Variants in BAZ2B observed in about 807,000 individuals in gnomAD.
BAZ2B encodes bromodomain adjacent to zinc finger domain protein 2B.
BAZ2B carries 91 observed loss-of-function variants against 246.0 expected under a neutral mutation model. That is an observed-to-expected ratio of 0.37 (90% CI 0.31 to 0.44). The LOEUF is 0.44. Among genes scored for constraint, BAZ2B ranks in the 20% least tolerant of loss-of-function variants. BAZ2B has a pLI of 1.00. For missense variants in BAZ2B, 2,332 were observed against 2,533.7 expected, an observed-to-expected ratio of 0.92 and a Z score of 1.71; for synonymous variants, 855 against 860.0, an observed-to-expected ratio of 0.99 and a Z score of 0.10.
chr2:159,605,103 T>C (rs1007828301), intron 1 of BAZ2B, among the ~76,000 whole-genome samples: 13 of 152,088 alleles, frequency 8.5e-5, no homozygotes, highest in African/African-American at 2.4e-4. Flanking sequence ...TAATAGCTCA[T>C]TGCAGCCTTG....
chr2:159,519,908 T>C (rs2083945841), intron 2 of BAZ2B, among the ~76,000 whole-genome samples: 1 of 151,514 alleles, frequency 6.6e-6, no homozygotes, highest in African/African-American at 2.4e-5. Flanking sequence ...GGGAGTCCAA[T>C]CTATGATGAT....
In BAZ2B at chr2:159,386,568, A is replaced by G. The variant is rs1156292752; in HGVS notation, c.3256T>C (p.Ser1086Pro). ...ELPRIPGLVL[S>P]GSTFSDCLMV... Reference sequence around the variant, plus strand: ...AGACAGTCTGAAAATGTACTTCCAGAGAGAACAAGTCCTGGAATACGAGGC... The same window carrying G: ...AGACAGTCTGAAAATGTACTTCCAGGGAGAACAAGTCCTGGAATACGAGGC... The change falls in exon 22 of 37, where the codon TCT becomes CCT. Residue 1086 changes from serine to proline, a missense_variant. Coordinates refer to ENST00000392783, the MANE Select transcript of BAZ2B (RefSeq NM_013450.4). The G allele has an allele frequency of 6.2e-7, 1 of 1,613,306 alleles. No homozygotes were observed. The highest frequency in any genetic ancestry group is 8.5e-7 in the Non-Finnish European group (1 of 1,179,586).
rs1158674535 is a variant in BAZ2B at position 159,386,379 on chromosome 2, C to T, written c.3445G>A (p.Asp1149Asn). Reference sequence around the variant, plus strand: ...TTGTATCCTGTTATTAGACCTGGATCACATACAGCAGCTGAGAGGAGCCTC... The same window carrying T: ...TTGTATCCTGTTATTAGACCTGGATTACATACAGCAGCTGAGAGGAGCCTC... ...LVRLLSAAVC[D>N]PGLITGYKAK... Residue 1149 changes from aspartate (D) to asparagine (N), a missense_variant, in exon 22 of 37, where the codon GAT (aspartate) becomes AAT (asparagine). By Grantham distance (23) the Asp-to-Asn change is conservative (BLOSUM62 1). This residue lies in a region of BAZ2B where 328 missense variants were observed against 410.4 expected (regional missense o/e 0.80). Transcript: ENST00000392783. 6.2e-7 allele frequency: 1 copy of T among 1,612,668 alleles called. No homozygotes were observed. Among genetic ancestry groups the T allele is most frequent in the East Asian group, 2.2e-5 (1 of 44,812 alleles).
Position 159,349,152 on chromosome 2 carries a change from A to G in BAZ2B, c.4992T>C (p.Asn1664=). ...LGSGLGLSEG[N]GNSFLTSNVA... ...CATTGGAAGTCAAGAATGAATTACC[A>G]TTTCCTTCTGATAACCCTAACCCCG... is the stretch of plus-strand genomic sequence containing the variant. The change falls in exon 29 of 37, where the codon AAT becomes AAC. Residue 1664 remains asparagine, a synonymous_variant. Coordinates refer to ENST00000392783, the MANE Select transcript of BAZ2B (RefSeq NM_013450.4). 6.2e-7 allele frequency: 1 copy of G among 1,614,096 alleles called. No homozygotes were observed. Among genetic ancestry groups the G allele is most frequent in the Non-Finnish European group, 8.5e-7 (1 of 1,179,992 alleles).
the BAZ2B span, among the ~76,000 whole-genome samples, chr2:159,696,135 T>C: frequency 1.4e-4 from 21 of 152,312 alleles, no homozygotes; most frequent in Non-Finnish European, 1.8e-4. Flanking sequence ...CATTGCCTAT[T>C]TTTTATTTTA....
intron 27 of BAZ2B, among the ~76,000 whole-genome samples, chr2:159,352,299 C>A (rs546000547): frequency 6.6e-6 from 1 of 152,090 alleles, no homozygotes; most frequent in Non-Finnish European, 1.5e-5. Context: ...TATTTCCTTA[C>A]GGAGATTTTC....
In BAZ2B at chr2:159,333,401, A is replaced by G. The variant is rs1325558062; in HGVS notation, c.5797-715T>C. On this transcript the variant is annotated intron_variant, in intron 33 of 36. Transcript: ENST00000392783. ...ATAAAACTAGTTGTTTTCTACTGAA[A>G]ATTTTCTAATATAATTAAAGACTTT... 4.6e-5 allele frequency among the ~76,000 whole-genome samples: 7 copies of G among 152,132 alleles called. No homozygotes were observed. The East Asian group carries it at 1.3e-3, about 29-fold the overall frequency.
chr2:159,495,463 C>T (rs1362535466), intron 2 of BAZ2B, among the ~76,000 whole-genome samples: 7 of 107,878 alleles, frequency 6.5e-5, no homozygotes, highest in South Asian at 3.4e-4. Flanking sequence ...CCAGCCTGGG[C>T]GACAGAGCGA....
intron 27 of BAZ2B, among the ~76,000 whole-genome samples, chr2:159,364,565 C>A (rs540165264): frequency 2.0e-5 from 3 of 152,182 alleles, no homozygotes; most frequent in Admixed American, 6.5e-5. Flanking sequence ...AGATGGGGTT[C>A]CACCATGTTA....
At position 159,576,938 on chromosome 2, in the gene BAZ2B, A is replaced by C. The variant is rs1468879433; in HGVS notation, c.-45-21073T>G. ...AAAAAAAAAAAAAAAAAAAAAAGGA[A>C]AGTGTGGCCAGGCACGGTGGCTCAC... On this transcript the variant is annotated intron_variant, in intron 1 of 36. Transcript: ENST00000392783. 2.2e-5 allele frequency among the ~76,000 whole-genome samples: 3 copies of C among 136,924 alleles called. No individual in the cohort carries two copies. The South Asian group carries it at 7.3e-4, about 33-fold the overall frequency. 89.8% of individuals were successfully genotyped at this position (136,924 alleles called of 152,430 possible).
Position 159,433,348 on chromosome 2 carries a change from C to T in BAZ2B, c.1309G>A (p.Ala437Thr), listed in dbSNP as rs748547553. Residue 437 changes from alanine (A) to threonine (T), a missense_variant, in exon 9 of 37, where the codon GCA (alanine) becomes ACA (threonine). Ala to Thr is a moderately conservative substitution (Grantham distance 58). This residue lies in a region of BAZ2B where 651 missense variants were observed against 650.9 expected (regional missense o/e 1.00). Coordinates refer to ENST00000392783, the MANE Select transcript of BAZ2B (RefSeq NM_013450.4). ...TGTTTCTTTAACTGTGATGGGAATG[C>T]CTGTTTATATTGTTCCTGTTGAAAC... Reference protein sequence around the residue: ...LRSKREQYKQAFPSQLKKQES... With the variant: ...LRSKREQYKQTFPSQLKKQES... 3 of 1,611,964 alleles carry T rather than the reference C, an allele frequency of 1.9e-6. No individual in the cohort carries two copies. In the Admixed American group the frequency reaches 5.0e-5, roughly 27 times the overall value.
the BAZ2B span, among the ~76,000 whole-genome samples, chr2:159,638,358 T>A: frequency 6.6e-6 from 1 of 152,138 alleles, no homozygotes; most frequent in Non-Finnish European, 1.5e-5. Context: ...TCTATAAGCA[T>A]CAGCATCATC....
intron 25 of BAZ2B, among the ~76,000 whole-genome samples, chr2:159,375,725 T>C (rs1349565653): frequency 6.6e-6 from 1 of 152,190 alleles, no homozygotes; most frequent in Non-Finnish European, 1.5e-5. Context: ...ATGTAAGAGA[T>C]ATCACATAGT....
chr2:159,333,478 T>A (rs923764492), intron 33 of BAZ2B, among the ~76,000 whole-genome samples: 1 of 152,086 alleles, frequency 6.6e-6, no homozygotes, highest in African/African-American at 2.4e-5. Flanking sequence ...GTACGGTAAG[T>A]TTTACAAAGG....
At chr2:159,431,231 C>T (rs2071051784) in intron 9 of BAZ2B, 75 bp from the exon 10 acceptor site, 4 of 1,503,838 alleles carry the variant, frequency 2.7e-6, no homozygotes, top group Non-Finnish European at 3.5e-6. Context: ...TCTAAATGGA[C>T]TAGCTCAGGA....
chr2:159,537,609 A>C (rs2086170001), intron 2 of BAZ2B, among the ~76,000 whole-genome samples: 1 of 152,236 alleles, frequency 6.6e-6, no homozygotes, highest in Non-Finnish European at 1.5e-5. Context: ...AGATACACAC[A>C]ACTGCTAATT....
At chr2:159,443,012 T>C (rs771569975) in intron 6 of BAZ2B, among the ~76,000 whole-genome samples, 4 of 152,196 alleles carry the variant, frequency 2.6e-5, no homozygotes, top group African/African-American at 9.7e-5. Context: ...AGATACCTCT[T>C]TGAGACACTG....
At chr2:159,483,868 C>G (rs1317839996) in intron 2 of BAZ2B, among the ~76,000 whole-genome samples, 5 of 151,452 alleles carry the variant, frequency 3.3e-5, no homozygotes, top group African/African-American at 4.9e-5. Context: ...CGACTATAAC[C>G]ACAAATTAAC....
chr2:159,590,761 T>C (rs1409364046), intron 1 of BAZ2B, among the ~76,000 whole-genome samples: 5 of 152,112 alleles, frequency 3.3e-5, no homozygotes, highest in Non-Finnish European at 5.9e-5. Flanking sequence ...CACGGTAGAA[T>C]GGAAAGAAGC....
Sources: allele counts gnomAD v4.1 joint callset (sites outside exome capture counted in the v4.1 genomes callset), GRCh38; gene constraint gnomAD v4.1.1; regional missense constraint gnomAD v4.1.1; transcripts MANE v1.5; gene names NCBI Gene and HGNC (gene_info 2026-07-23, HGNC 2026-07-21).